Variants in ADGRB3 observed in about 807,000 individuals in gnomAD.
The protein encoded by ADGRB3 is brain-specific angiogenesis inhibitor 3.
A neutral mutation model predicts 193.4 loss-of-function variants in ADGRB3; 37 were observed. The observed-to-expected ratio is 0.19, with a 90% CI of 0.15 to 0.25. The LOEUF is 0.25. ADGRB3 is among the 10% of genes least tolerant of loss of function. The probability of loss-of-function intolerance (pLI) is 1.00; values close to 1 mark genes in which losing one functional copy is unlikely to be tolerated. For synonymous variants in ADGRB3, 690 were observed against 644.2 expected, an observed-to-expected ratio of 1.07 and a Z score of -1.08; for missense variants, 1,637 against 1,852.9, an observed-to-expected ratio of 0.88 and a Z score of 2.14.
chr6:69,060,442 A>G (rs981203060), intron 15 of ADGRB3, among the ~76,000 whole-genome samples: 2 of 151,960 alleles, frequency 1.3e-5, no homozygotes, highest in Non-Finnish European at 2.9e-5. Flanking sequence ...CACATTCCCA[A>G]ACACACAGGG....
chr6:69,122,771 G>C (rs1340385878), intron 17 of ADGRB3, among the ~76,000 whole-genome samples: 1 of 151,872 alleles, frequency 6.6e-6, no homozygotes, highest in Non-Finnish European at 1.5e-5. Context: ...CTAAAACATG[G>C]CCAAGAGGAG....
chr6:69,322,800 A>G (rs937712316), intron 20 of ADGRB3, among the ~76,000 whole-genome samples: 3 of 151,864 alleles, frequency 2.0e-5, no homozygotes, highest in Non-Finnish European at 4.4e-5. Context: ...TTAAGTTGAG[A>G]TAGCTTACCT....
At chr6:69,276,376 C>T (rs1369297467) in intron 20 of ADGRB3, among the ~76,000 whole-genome samples, 3 of 152,098 alleles carry the variant, frequency 2.0e-5, no homozygotes, top group Non-Finnish European at 1.5e-5. Context: ...AGGAGACATT[C>T]CAAGAAGTTT....
At chr6:69,203,889 T>C (rs2150358743) in intron 17 of ADGRB3, among the ~76,000 whole-genome samples, 2 of 152,292 alleles carry the variant, frequency 1.3e-5, no homozygotes, top group African/African-American at 2.4e-5. Flanking sequence ...CCAAGAGGTC[T>C]GCTGCTAGAT....
At chr6:69,262,700 C>T (rs1460767183) in intron 20 of ADGRB3, among the ~76,000 whole-genome samples, 2 of 151,838 alleles carry the variant, frequency 1.3e-5, no homozygotes, top group Non-Finnish European at 2.9e-5. Context: ...AGAGAGGAGA[C>T]CACATTCACA....
chr6:69,357,376 A>G (rs1769357991), intron 28 of ADGRB3, among the ~76,000 whole-genome samples: 1 of 152,040 alleles, frequency 6.6e-6, no homozygotes, highest in Non-Finnish European at 1.5e-5. Flanking sequence ...TGTCCTTTGC[A>G]GTTATGTCTA....
At chr6:68,922,221 A>G (rs1022974807) in intron 3 of ADGRB3, among the ~76,000 whole-genome samples, 6 of 152,168 alleles carry the variant, frequency 3.9e-5, no homozygotes, top group Admixed American at 2.6e-4. Flanking sequence ...CCTGTGTGGA[A>G]TGTAATGGGT....
rs114152844 is a variant in ADGRB3, at chr6:68,976,606, T to C, written c.1734+1266T>C. On this transcript the variant is annotated intron_variant, in intron 10 of 31. Transcript: ENST00000370598. The stretch of plus-strand genomic sequence containing the variant: ...CATATTCCATATGTTACATATATTT[T>C]GTACTGTATTTTTACAATAAAGTAA... Among the ~76,000 whole-genome samples, 452 of 152,344 alleles carry C rather than the reference T, an allele frequency of 3.0e-3. 4 individuals are homozygous for C. Among genetic ancestry groups the C allele is most frequent in the African/African-American group, 0.01 (435 of 41,586 alleles).
intron 3 of ADGRB3, among the ~76,000 whole-genome samples, chr6:68,914,186 C>G (rs1294516569): frequency 1.3e-5 from 2 of 150,982 alleles, no homozygotes; most frequent in Non-Finnish European, 3.0e-5. Flanking sequence ...TCAGGAAATA[C>G]AGAGAATGCC....
rs139619609 is a variant in ADGRB3 at position 69,329,312 on chromosome 6, G to A, written c.3036-1194G>A. On this transcript the variant is annotated intron_variant, in intron 22 of 31. Coordinates refer to ENST00000370598, the MANE Select transcript of ADGRB3 (RefSeq NM_001704.3). ...ATAGATATTAAAGTGGAAAAGTACG[G>A]TTTTATCTTTCTGCTGTTATGTCAA... Among the ~76,000 whole-genome samples the A allele has an allele frequency of 2.8e-3, 427 of 152,166 alleles. 2 individuals are homozygous for A. The highest frequency in any genetic ancestry group is 9.7e-3 in the African/African-American group (401 of 41,514).
chr6:69,099,315 T>C (rs922612357), intron 17 of ADGRB3, among the ~76,000 whole-genome samples: 5 of 152,242 alleles, frequency 3.3e-5, no homozygotes, highest in African/African-American at 1.2e-4. Flanking sequence ...TAAAGTCACA[T>C]TGACTAAGAG....
At chr6:68,807,235 C>CTTTTTTTTTTTTTTTTTTTTTT (rs771342538) in intron 3 of ADGRB3, among the ~76,000 whole-genome samples, 76 of 100,192 alleles carry the variant, frequency 7.6e-4, no homozygotes, top group South Asian at 1.4e-3. Flanking sequence ...TTTCTTTTTT[C>CTTTTTTTTTTTTTTTTTTTTTT]TTTTTTTTTT....
intron 3 of ADGRB3, among the ~76,000 whole-genome samples, chr6:68,783,106 T>TAA (rs1230201545): frequency 2.0e-5 from 3 of 151,764 alleles, no homozygotes; most frequent in Non-Finnish European, 4.4e-5. Flanking sequence ...ATACATTGTT[T>TAA]AAATATAGTT....
At chr6:68,723,573 G>A (rs373611997) in intron 3 of ADGRB3, among the ~76,000 whole-genome samples, 2 of 151,638 alleles carry the variant, frequency 1.3e-5, no homozygotes, top group African/African-American at 4.8e-5. Flanking sequence ...AAATGCTGTT[G>A]GTTCTGTAGG....
chr6:69,165,370 A>G (rs887129856), intron 17 of ADGRB3, among the ~76,000 whole-genome samples: 2 of 151,984 alleles, frequency 1.3e-5, no homozygotes, highest in Non-Finnish European at 2.9e-5. Context: ...TTTTTGTGTC[A>G]TCCTTGGGAA....
chr6:69,107,937 G>A (rs943278724), intron 17 of ADGRB3, among the ~76,000 whole-genome samples: 7 of 151,786 alleles, frequency 4.6e-5, no homozygotes, highest in African/African-American at 1.7e-4. Context: ...CAACTACTGA[G>A]GACTGCGCTC....
At chr6:69,101,445 TG>T in intron 17 of ADGRB3, among the ~76,000 whole-genome samples, 1 of 151,594 alleles carries the variant, frequency 6.6e-6, no homozygotes, top group Admixed American at 6.6e-5. Flanking sequence ...TGTGTGTGTG[TG>T]TGTGTGTGTG....
chr6:69,148,522 T>C (rs1288809821), intron 17 of ADGRB3, among the ~76,000 whole-genome samples: 2 of 152,180 alleles, frequency 1.3e-5, no homozygotes, highest in African/African-American at 2.4e-5. Flanking sequence ...TTATTTTTGA[T>C]TGGTTCATCC....
chr6:69,361,583 G>T, intron 29 of ADGRB3, 71 bp downstream of exon 29: 1 of 1,459,816 alleles, frequency 6.9e-7, no homozygotes, highest in Non-Finnish European at 9.3e-7. Flanking sequence ...GATATTGATT[G>T]ATTGGTTGAT....
Sources: allele counts gnomAD v4.1 joint callset (sites outside exome capture counted in the v4.1 genomes callset), GRCh38; gene constraint gnomAD v4.1.1; transcripts MANE v1.5; gene names NCBI Gene and HGNC (gene_info 2026-07-23, HGNC 2026-07-21).